The following ZBTB20 variants were observed in gnomAD, a reference collection of about 807,000 sequenced individuals.
ZBTB20 encodes the protein zinc finger and BTB domain containing 20.
In ZBTB20, 9 loss-of-function variants were observed where a neutral mutation model predicts 56.9. The observed-to-expected ratio is 0.16, with a 90% CI of 0.10 to 0.28. ZBTB20 has a LOEUF of 0.28. Among genes scored for constraint, ZBTB20 ranks in the 10% least tolerant of loss-of-function variants. ZBTB20 has a pLI of 1.00. For synonymous variants in ZBTB20, 417 were observed against 420.7 expected, an observed-to-expected ratio of 0.99 and a Z score of 0.11; for missense variants, 655 against 1,003.0, an observed-to-expected ratio of 0.65 and a Z score of 4.69.
intron 6 of ZBTB20, among the ~76,000 whole-genome samples, chr3:114,604,252 T>C (rs1205384203): frequency 2.6e-5 from 4 of 152,008 alleles, no homozygotes; most frequent in African/African-American, 9.7e-5. Context: ...TAAGAGATAC[T>C]GGAGAATACA....
chr3:115,031,093 T>C (rs2080656070), intron 2 of ZBTB20, among the ~76,000 whole-genome samples: 1 of 151,458 alleles, frequency 6.6e-6, no homozygotes, highest in African/African-American at 2.4e-5. Flanking sequence ...TCCAGAATGA[T>C]GAAGAGATGT....
chr3:114,878,575 TAAAAAA>T (rs10609736), intron 4 of ZBTB20, among the ~76,000 whole-genome samples: 3 of 137,658 alleles, frequency 2.2e-5, no homozygotes, highest in Non-Finnish European at 1.6e-5. Flanking sequence ...CTTGGAGAAT[TAAAAAA>T]AAAAAAAAAA....
chr3:114,449,992 C>T (rs2091502340), intron 7 of ZBTB20, among the ~76,000 whole-genome samples: 1 of 152,124 alleles, frequency 6.6e-6, no homozygotes, highest in South Asian at 2.1e-4. Context: ...CAGGCAACTC[C>T]TATAAAAAAG....
intron 3 of ZBTB20, among the ~76,000 whole-genome samples, chr3:114,935,456 TGTC>T (rs1474390180): frequency 3.3e-5 from 5 of 152,196 alleles, no homozygotes; most frequent in African/African-American, 1.2e-4. Flanking sequence ...CATTATGAAG[TGTC>T]GTATTCTTGA....
intron 5 of ZBTB20, among the ~76,000 whole-genome samples, chr3:114,753,161 G>A (rs1269858103): frequency 6.6e-6 from 1 of 150,782 alleles, no homozygotes; most frequent in Non-Finnish European, 1.5e-5. Context: ...ATAATATGAG[G>A]ATAATTAGAA....
intron 1 of ZBTB20, among the ~76,000 whole-genome samples, chr3:115,094,273 T>A (rs952198944): frequency 6.6e-6 from 1 of 151,918 alleles, no homozygotes. Flanking sequence ...AACCAGAGTA[T>A]ATTTATTGGG....
rs1553770203 is a variant in ZBTB20 at position 114,624,359 on chromosome 3, A to AAAC, written c.-295+69168_-295+69169insGTT. Reference sequence around the variant, plus strand: ...ATAAATAAACAACAGTAAGAGAAACAAAAAAAAAAAAAACCCATCCCGTCC... The same window carrying AAAC: ...ATAAATAAACAACAGTAAGAGAAACAAACAAAAAAAAAAAAACCCATCCCGTCC... On this transcript the variant is annotated intron_variant, in intron 6 of 11. Transcript: ENST00000675478. 1.0e-4 allele frequency among the ~76,000 whole-genome samples: 9 copies of AAAC among 88,618 alleles called. No individual in the cohort carries two copies. In the East Asian group the frequency reaches 2.6e-3, roughly 26 times the overall value. 58.1% of individuals were successfully genotyped at this position (88,618 alleles called of 152,430 possible). A position where few individuals can be genotyped will look rare whatever the true frequency, so the allele number is the denominator to read the frequency against.
At chr3:114,520,339 C>T (rs2046494663) in intron 6 of ZBTB20, among the ~76,000 whole-genome samples, 1 of 152,144 alleles carries the variant, frequency 6.6e-6, no homozygotes, top group Non-Finnish European at 1.5e-5. Flanking sequence ...CAAATTGACT[C>T]ATTCCATAGT....
At chr3:114,446,462 G>A (rs951773625) in intron 7 of ZBTB20, among the ~76,000 whole-genome samples, 2 of 152,056 alleles carry the variant, frequency 1.3e-5, no homozygotes, top group Admixed American at 6.6e-5. Flanking sequence ...GCTTAAATTC[G>A]AAAGGATAGT....
intron 5 of ZBTB20, among the ~76,000 whole-genome samples, chr3:114,793,895 T>A (rs1414602912): frequency 6.6e-6 from 1 of 151,936 alleles, no homozygotes; most frequent in African/African-American, 2.4e-5. Context: ...ATGTGAAGAG[T>A]TTTATGGAGA....
intron 6 of ZBTB20, among the ~76,000 whole-genome samples, chr3:114,656,939 G>C (rs939628264): frequency 2.0e-5 from 3 of 151,810 alleles, no homozygotes; most frequent in African/African-American, 7.3e-5. Context: ...TACCGCACCG[G>C]GCCTGAAAAC....
intron 1 of ZBTB20, among the ~76,000 whole-genome samples, chr3:115,074,432 C>T (rs1253164952): frequency 6.6e-6 from 1 of 152,088 alleles, no homozygotes; most frequent in East Asian, 1.9e-4. Context: ...TAAACTAAAA[C>T]TTGTACTGCC....
intron 6 of ZBTB20, chr3:114,527,430 G>A (rs1010239834): frequency 6.6e-6 from 1 of 152,200 alleles, no homozygotes; most frequent in East Asian, 1.9e-4. Context: ...GGTTTGTAGA[G>A]TATTGTCATC....
chr3:114,365,790 C>A lies in ZBTB20; in HGVS notation c.200-13912G>T, dbSNP rs538514033. Among the ~76,000 whole-genome samples, 13 of 152,272 alleles carry A rather than the reference C, an allele frequency of 8.5e-5. No homozygotes were observed. The South Asian group carries it at 2.7e-3, about 32-fold the overall frequency. On this transcript the variant is annotated intron_variant, in intron 10 of 11. Coordinates refer to ENST00000675478, the MANE Select transcript of ZBTB20 (RefSeq NM_001348800.3). Reference sequence around the variant, plus strand: ...TATCAAAAACAGGCACCAGATTATACTACAAAGTTGACCTGCCATATTGCT... The same window carrying A: ...TATCAAAAACAGGCACCAGATTATAATACAAAGTTGACCTGCCATATTGCT...
intron 7 of ZBTB20, among the ~76,000 whole-genome samples, chr3:114,417,346 A>G (rs1207064282): frequency 6.6e-6 from 1 of 152,104 alleles, no homozygotes; most frequent in Non-Finnish European, 1.5e-5. Flanking sequence ...GGTGACATAA[A>G]TTTCAAATCT....
intron 6 of ZBTB20, among the ~76,000 whole-genome samples, chr3:114,678,572 C>T (rs948798583): frequency 3.9e-5 from 6 of 152,164 alleles, no homozygotes; most frequent in Non-Finnish European, 7.4e-5. Flanking sequence ...ATGTATACGT[C>T]GCAGAATCAC....
intron 7 of ZBTB20, among the ~76,000 whole-genome samples, chr3:114,459,019 T>A (rs1202221348): frequency 6.6e-6 from 1 of 152,176 alleles, no homozygotes; most frequent in Non-Finnish European, 1.5e-5. Context: ...GAATAAGTCA[T>A]CAAATATAGG....
chr3:114,444,360 T>G (rs2091130048), intron 7 of ZBTB20, among the ~76,000 whole-genome samples: 1 of 152,044 alleles, frequency 6.6e-6, no homozygotes, highest in Non-Finnish European at 1.5e-5. Context: ...TACAATGCAT[T>G]TGGGTGCATT....
Position 115,088,181 on chromosome 3 carries a change from A to G in ZBTB20, c.-702-16767T>C, listed in dbSNP as rs1005183918. On this transcript the variant is annotated intron_variant, in intron 1 of 11. Transcript: ENST00000675478. ...ATTTTCCAATTCATGCTCTGCTGCT[A>G]AAGGGGACGTTCTACAAAATCATGT... Among the ~76,000 whole-genome samples, 5 of 152,046 alleles carry G rather than the reference A, an allele frequency of 3.3e-5. No individual in the cohort carries two copies. The East Asian group carries it at 9.6e-4, about 29-fold the overall frequency.
Sources: gnomAD v4.1 joint callset for allele counts (sites outside exome capture counted in the v4.1 genomes callset) on GRCh38, gnomAD v4.1.1 for gene constraint, MANE v1.5 for transcripts, NCBI Gene and HGNC (gene_info 2026-07-23, HGNC 2026-07-21) for gene names.